The following SMAD3 variants were observed in gnomAD, a reference collection of about 807,000 sequenced individuals.
SMAD3 encodes the protein SMAD family member 3.
A neutral mutation model predicts 51.8 loss-of-function variants in SMAD3; 12 were observed. That is an observed-to-expected ratio of 0.23 (90% CI 0.15 to 0.38). SMAD3 has a LOEUF of 0.38. Among genes scored for constraint, SMAD3 ranks in the 10% least tolerant of loss-of-function variants. SMAD3 has a pLI of 1.00. For missense variants in SMAD3, 294 were observed against 565.6 expected (o/e 0.52, Z 4.87); for synonymous variants, 238 against 227.7 (o/e 1.05, Z -0.41).
At chr15:67,140,860 T>C (rs948587395) in intron 1 of SMAD3, among the ~76,000 whole-genome samples, 4 of 152,034 alleles carry the variant, frequency 2.6e-5, no homozygotes, top group Non-Finnish European at 5.9e-5. Context: ...GGAGCAGAAC[T>C]TGGGGTTCAT....
chr15:67,099,203 C>T (rs764056064), intron 1 of SMAD3, among the ~76,000 whole-genome samples: 2 of 152,202 alleles, frequency 1.3e-5, no homozygotes, highest in Non-Finnish European at 2.9e-5. Flanking sequence ...GGACTTCTGT[C>T]TCTGGATTCA....
At chr15:67,070,804 C>T (rs959153680) in intron 1 of SMAD3, among the ~76,000 whole-genome samples, 6 of 151,730 alleles carry the variant, frequency 4.0e-5, no homozygotes, top group Non-Finnish European at 5.9e-5. Context: ...AGGTCCTGTA[C>T]CTGCCATTTT....
chr15:67,084,257 A>G (rs1393245513), intron 1 of SMAD3, among the ~76,000 whole-genome samples: 1 of 145,512 alleles, frequency 6.9e-6, no homozygotes, highest in African/African-American at 2.5e-5. Flanking sequence ...TTTTTTTTGT[A>G]TTTTTAGTAG....
At chr15:67,138,326 C>T (rs1961722242) in intron 1 of SMAD3, 1 of 506,186 alleles carries the variant, frequency 2.0e-6, no homozygotes, top group Admixed American at 3.2e-5. Context: ...GCTCTGGGAC[C>T]CTGCTCCCCT....
intron 1 of SMAD3, 66 bp from the exon 2 acceptor site, chr15:67,164,829 C>G: frequency 6.5e-7 from 1 of 1,535,880 alleles, no homozygotes; most frequent in Non-Finnish European, 9.0e-7. Flanking sequence ...AGTAGGAGGC[C>G]GGACTCTGCA....
rs891134678 is a variant in SMAD3, at chr15:67,109,122, G to A, written c.206+42762G>A. Among the ~76,000 whole-genome samples, 8 of 152,208 alleles carry A rather than the reference G, an allele frequency of 5.3e-5. No individual in the cohort carries two copies. In the South Asian group the frequency reaches 6.2e-4, roughly 12 times the overall value. ...CATGGTCACTTCACAAATACTTGTC[G>A]AAGAATGCATGGGATGAATATGCAT... On this transcript the variant is annotated intron_variant, in intron 1 of 8. Coordinates refer to ENST00000327367, the MANE Select transcript of SMAD3 (RefSeq NM_005902.4).
intron 1 of SMAD3, chr15:67,099,040 A>G (rs1341064348): frequency 3.3e-6 from 2 of 598,940 alleles, no homozygotes; most frequent in Non-Finnish European, 5.9e-6. Flanking sequence ...TACCCATGAT[A>G]ATTCTCCTTT....
At chr15:67,166,331 C>T (rs1173647792) in intron 3 of SMAD3, 1 of 296,290 alleles carries the variant, frequency 3.4e-6, no homozygotes, top group African/African-American at 2.1e-5. Context: ...AGGACACGTC[C>T]CTTAGAGACA....
rs183154348 is a variant in SMAD3, at chr15:67,142,871, A to G, written c.207-22024A>G. On this transcript the variant is annotated intron_variant, in intron 1 of 8. Transcript: ENST00000327367. ...TGTAGAGCTGGAACACAGGGACATG[A>G]TCCCATGTGCAGGAGACAGCTCCAG... 295 of 454,732 alleles carry G rather than the reference A, an allele frequency of 6.5e-4. 1 individual carries two copies. The highest frequency in any genetic ancestry group is 5.4e-3 in the African/African-American group (271 of 50,150). The allele number at this position is 454,732 out of a possible 1,614,324, so 28.2% of individuals were successfully genotyped here.
At chr15:67,093,295 GC>G (rs1211973238) in intron 1 of SMAD3, among the ~76,000 whole-genome samples, 2 of 152,166 alleles carry the variant, frequency 1.3e-5, no homozygotes, top group Admixed American at 1.3e-4. Flanking sequence ...CGCAAAAACT[GC>G]CTTGAACACC....
chr15:67,108,077 T>C (rs1399934146), intron 1 of SMAD3, among the ~76,000 whole-genome samples: 3 of 151,824 alleles, frequency 2.0e-5, no homozygotes, highest in Non-Finnish European at 4.4e-5. Flanking sequence ...TGGTTCCTAG[T>C]GCTTCGGGGA....
Position 67,151,952 on chromosome 15 carries a change from CAT to C in SMAD3, c.207-12938_207-12937del, listed in dbSNP as rs944735246. On this transcript the variant is annotated intron_variant, in intron 1 of 8. Coordinates refer to ENST00000327367, the MANE Select transcript of SMAD3 (RefSeq NM_005902.4). ...ATATATGATTATACATAGTAACAAT[CAT>C]ATATTACATAATAATTGTAAACTAT... is the stretch of plus-strand genomic sequence containing the variant. Among the ~76,000 whole-genome samples the C allele has an allele frequency of 4.6e-5, 7 of 152,064 alleles. No individual in the cohort carries two copies. In the South Asian group the frequency reaches 1.3e-3, roughly 27 times the overall value.
At chr15:67,138,357 C>T (rs1961724790) in intron 1 of SMAD3, 9 of 460,200 alleles carry the variant, frequency 2.0e-5, no homozygotes, top group East Asian at 3.8e-5. Flanking sequence ...CCCCCTCCCC[C>T]GGCCCCAGGA....
intron 1 of SMAD3, among the ~76,000 whole-genome samples, chr15:67,134,787 T>G (rs7168978): frequency 0.97 from 148,040 of 152,348 alleles, 72,058 homozygotes; most frequent in East Asian, 1. Context: ...TAACCTATTA[T>G]CGTGCAACTC....
chr15:67,182,218 G>A (rs1963079897), intron 6 of SMAD3, among the ~76,000 whole-genome samples: 1 of 152,216 alleles, frequency 6.6e-6, no homozygotes, highest in Admixed American at 6.5e-5. Flanking sequence ...AGGTAGAAAA[G>A]AATTGTCCAC....
At chr15:67,107,258 C>T (rs1038188228) in intron 1 of SMAD3, among the ~76,000 whole-genome samples, 5 of 152,084 alleles carry the variant, frequency 3.3e-5, no homozygotes, top group Non-Finnish European at 7.4e-5. Context: ...GTGGGAATTT[C>T]AGGCACAGTG....
chr15:67,131,137 C>T (rs976859508), intron 1 of SMAD3, among the ~76,000 whole-genome samples: 4 of 152,218 alleles, frequency 2.6e-5, no homozygotes, highest in East Asian at 1.9e-4. Flanking sequence ...AGAATGATTT[C>T]GGCAGGAATA....
At chr15:67,128,119 G>A (rs1166773682) in intron 1 of SMAD3, 1 of 152,200 alleles carries the variant, frequency 6.6e-6, no homozygotes, top group African/African-American at 2.4e-5. Context: ...TTGGCCAGAC[G>A]TGGATATGGT....
At chr15:67,152,458 G>A (rs1235193045) in intron 1 of SMAD3, among the ~76,000 whole-genome samples, 5 of 152,194 alleles carry the variant, frequency 3.3e-5, no homozygotes, top group Non-Finnish European at 5.9e-5. Flanking sequence ...AACACACCTG[G>A]CTTTGTGACT....
Sources: gnomAD v4.1 joint callset for allele counts (sites outside exome capture counted in the v4.1 genomes callset) on GRCh38, gnomAD v4.1.1 for gene constraint, MANE v1.5 for transcripts, NCBI Gene and HGNC (gene_info 2026-07-23, HGNC 2026-07-21) for gene names.